DNAI3: variants seen among roughly 807,000 people sequenced by gnomAD.
The protein encoded by DNAI3 is dynein axonemal intermediate chain 3.
Under a neutral mutation model 115.5 loss-of-function variants are expected in DNAI3, and 83 were observed. That is an observed-to-expected ratio of 0.72 (90% confidence interval 0.60 to 0.86). The LOEUF is 0.86. DNAI3 is among the 40% of genes least tolerant of loss of function. The pLI is 0.00. For missense variants in DNAI3, 1,004 were observed against 1,075.8 expected, an observed-to-expected ratio of 0.93 and a Z score of 0.93; for synonymous variants, 320 against 347.0, an observed-to-expected ratio of 0.92 and a Z score of 0.86.
rs200780314 is a variant in DNAI3 at position 85,121,735 on chromosome 1, C to A, written c.1918-16C>A. On this transcript the variant is annotated splice_polypyrimidine_tract_variant and intron_variant, in intron 17 of 22. Coordinates refer to ENST00000294664, the MANE Select transcript of DNAI3 (RefSeq NM_145172.5). ...AAGTTGTCATTGTACTCATCAGGAA[C>A]CTGTAATATTTTTAGGAAGGCGAAG... The A allele has an allele frequency of 6.2e-7, 1 of 1,613,134 alleles. No individual in the cohort carries two copies. The highest frequency in any genetic ancestry group is 2.2e-5 in the East Asian group (1 of 44,850).
At chr1:85,092,148 G>A (rs958135994) in intron 8 of DNAI3, among the ~76,000 whole-genome samples, 10 of 152,100 alleles carry the variant, frequency 6.6e-5, no homozygotes, top group South Asian at 2.1e-4. Context: ...TGGAGCCTGC[G>A]ACTCTGCATT....
At position 85,130,216 on chromosome 1, in the gene DNAI3, C is replaced by T. The variant is rs900101164; in HGVS notation, c.2532+104C>T. ...TCCATAGAAAAGTTATACTTTTTCA[C>T]ATTCTTCTCTTGTTCTCATGAGAGT... On this transcript the variant is annotated intron_variant, in intron 22 of 22. Coordinates refer to ENST00000294664, the MANE Select transcript of DNAI3 (RefSeq NM_145172.5). 3 of 1,505,288 alleles carry T rather than the reference C, an allele frequency of 2.0e-6. No homozygotes were observed. The African/African-American group carries it at 4.2e-5, about 21-fold the overall frequency. 93.2% of individuals were successfully genotyped at this position (1,505,288 alleles called of 1,614,324 possible). A position where few individuals can be genotyped will look rare whatever the true frequency, so the allele number is the denominator to read the frequency against.
rs759849434 is a variant in DNAI3 at position 85,126,547 on chromosome 1, AG to A, written c.2151del (p.Arg717SerfsTer9). 22 of 1,614,030 alleles carry A rather than the reference AG, an allele frequency of 1.4e-5. No individual in the cohort carries two copies. Among genetic ancestry groups the A allele is most frequent in the Admixed American group, 3.3e-5 (2 of 60,010 alleles). On this transcript the variant is annotated frameshift_variant, in exon 20 of 23. Transcript: ENST00000294664. LOFTEE classifies it high-confidence loss of function. The part of the protein sequence containing the change: ...PLLQSCCAPK[R>X]YTSGHWSLTR... ...CCTTCAGTCATGCTGTGCACCAAAAAGGTACACCTCAGGCCACTGGTCCCTG... is the reference window on the plus strand; with the variant it reads ...CCTTCAGTCATGCTGTGCACCAAAAAGTACACCTCAGGCCACTGGTCCCTG...
At chr1:85,069,023 T>C (rs1654185710) in intron 1 of DNAI3, among the ~76,000 whole-genome samples, 1 of 152,172 alleles carries the variant, frequency 6.6e-6, no homozygotes, top group South Asian at 2.1e-4. Context: ...CCACAGTGCA[T>C]AGCATGAGAA....
rs559479408 is a variant in DNAI3, at chr1:85,062,871, A to T, written c.-15+385A>T. Among the ~76,000 whole-genome samples the T allele has an allele frequency of 3.5e-4, 53 of 152,326 alleles. No homozygotes were observed. In the South Asian group the frequency reaches 0.011, roughly 32 times the overall value. On this transcript the variant is annotated intron_variant, in intron 1 of 22. Transcript: ENST00000294664. The stretch of plus-strand genomic sequence containing the variant: ...ACAGCATGATTCTGATTATCCGTCT[A>T]GGGGCGGGGGTCAAACAATAAAAGA...
chr1:85,103,580 T>C (rs2100592040), intron 13 of DNAI3, among the ~76,000 whole-genome samples: 1 of 152,282 alleles, frequency 6.6e-6, no homozygotes, highest in East Asian at 1.9e-4. Context: ...ATCCGTATAT[T>C]ATAAAAGGAT....
chr1:85,064,284 T>C (rs757185148), intron 1 of DNAI3, among the ~76,000 whole-genome samples: 3 of 152,060 alleles, frequency 2.0e-5, no homozygotes. Context: ...ATTCAGAAGA[T>C]ATTTGGAAGG....
At chr1:85,125,780 G>T (rs1322239565) in intron 19 of DNAI3, among the ~76,000 whole-genome samples, 3 of 152,304 alleles carry the variant, frequency 2.0e-5, no homozygotes, top group Middle Eastern at 3.4e-3. Context: ...ACAGCTCCAT[G>T]ATTTAGTTTA....
intron 13 of DNAI3, among the ~76,000 whole-genome samples, chr1:85,100,792 C>A (rs1001995865): frequency 6.6e-6 from 1 of 152,124 alleles, no homozygotes. Flanking sequence ...ACTATGCAGG[C>A]ATAAAAAATG....
rs1307988127 is a variant in DNAI3 at position 85,085,822 on chromosome 1, G to T, written c.541-9G>T. The T allele has an allele frequency of 1.2e-6, 2 of 1,612,444 alleles. No homozygotes were observed. Among genetic ancestry groups the T allele is most frequent in the Admixed American group, 3.3e-5 (2 of 59,988 alleles). On this transcript the variant is annotated splice_polypyrimidine_tract_variant and intron_variant, in intron 6 of 22. Transcript: ENST00000294664. ...ATTATGTTACCTTTACTGTTTACAT[G>T]TGTTACAGATTACATATATGATTTC...
chr1:85,088,247 G>A (rs1483797448), intron 7 of DNAI3, among the ~76,000 whole-genome samples: 4 of 152,082 alleles, frequency 2.6e-5, no homozygotes, highest in Non-Finnish European at 4.4e-5. Flanking sequence ...TCAGTAGGTA[G>A]ACTCAGAATA....
Position 85,098,570 on chromosome 1 carries a change from T to A in DNAI3, c.1391T>A (p.Met464Lys). The A allele has an allele frequency of 6.2e-7, 1 of 1,613,356 alleles. No homozygotes were observed. Among genetic ancestry groups the A allele is most frequent in the African/African-American group, 1.3e-5 (1 of 75,020 alleles). Residue 464 changes from methionine (M) to lysine (K), a missense_variant, in exon 13 of 23, where the codon ATG becomes AAG. Around this residue, in one of 3 missense-constraint regions of DNAI3, gnomAD observed 550 missense variants for 568.1 expected, o/e 0.97. Transcript: ENST00000294664. The part of the protein sequence containing the change: ...LLEPESNKEA[M>K]YIRHCAVSSI... Reference sequence around the variant, plus strand: ...GAACCGGAGAGTAATAAAGAAGCAATGTATATCAGACACTGTGCAGTCTCT... The same window carrying A: ...GAACCGGAGAGTAATAAAGAAGCAAAGTATATCAGACACTGTGCAGTCTCT...
chr1:85,084,428 A>T (rs1197785981), intron 5 of DNAI3, 118 bp from the exon 6 acceptor site: 1 of 750,874 alleles, frequency 1.3e-6, no homozygotes, highest in Non-Finnish European at 1.8e-6. Flanking sequence ...AAAAAAAAGT[A>T]AAAAGGTGCT....
intron 7 of DNAI3, among the ~76,000 whole-genome samples, chr1:85,088,298 G>A (rs1482880378): frequency 6.6e-6 from 1 of 152,054 alleles, no homozygotes; most frequent in African/African-American, 2.4e-5. Context: ...CCTACATAGA[G>A]GGAGTAAACA....
chr1:85,080,765 G>A (rs555882234), intron 3 of DNAI3, among the ~76,000 whole-genome samples: 1 of 152,268 alleles, frequency 6.6e-6, no homozygotes, highest in South Asian at 2.1e-4. Context: ...TTGTTTGTAG[G>A]ATTATTTACA....
rs534307138 is a variant in DNAI3, at chr1:85,109,801, CATG to C, written c.1699-245_1699-243del. Reference sequence around the variant, plus strand: ...GGCATTTTTCAGAAAGAAAATGACACATGAGAATTTGGGATGTGGAAATGTGTC... The same window carrying C: ...GGCATTTTTCAGAAAGAAAATGACACAGAATTTGGGATGTGGAAATGTGTC... On this transcript the variant is annotated intron_variant, in intron 15 of 22. Transcript: ENST00000294664. 3.5e-3 allele frequency among the ~76,000 whole-genome samples: 532 copies of C among 152,110 alleles called. 2 individuals carry two copies. Among genetic ancestry groups the C allele is most frequent in the Non-Finnish European group, 6.2e-3 (424 of 68,002 alleles).
intron 9 of DNAI3, chr1:85,094,216 C>T (rs764632523): frequency 1.4e-5 from 8 of 586,256 alleles, no homozygotes; most frequent in Non-Finnish European, 2.1e-5. Flanking sequence ...TTTATACTAA[C>T]AGTACATGTC....
In DNAI3 at chr1:85,126,707, T is replaced by A; in HGVS notation, c.2309T>A (p.Ile770Asn). The A allele has an allele frequency of 6.2e-7, 1 of 1,614,156 alleles. No individual in the cohort carries two copies. Among genetic ancestry groups the A allele is most frequent in the Non-Finnish European group, 8.5e-7 (1 of 1,180,006 alleles). The change falls in exon 20 of 23, where the codon ATC (isoleucine) becomes AAC (asparagine). Residue 770 changes from isoleucine to asparagine, a missense_variant. By Grantham distance (149) the Ile-to-Asn change is moderately radical. Transcript: ENST00000294664. ...ATGATCACCTACATCAAACCCTGGA[T>A]CTTTTCTTGTATGTTAATTCTAACT... ...ITMITYIKPW[I>N]FSSKQQFIAT...
At chr1:85,094,319 C>A in intron 9 of DNAI3, 112 bp from the exon 10 acceptor site, 1 of 1,421,458 alleles carries the variant, frequency 7.0e-7, no homozygotes, top group Non-Finnish European at 9.6e-7. Context: ...AACTCTTGCT[C>A]TCCTGTGGAC....
Sources: allele counts gnomAD v4.1 joint callset (sites outside exome capture counted in the v4.1 genomes callset), GRCh38; gene constraint gnomAD v4.1.1; regional missense constraint gnomAD v4.1.1; transcripts MANE v1.5; gene names NCBI Gene and HGNC (gene_info 2026-07-23, HGNC 2026-07-21).